The following PRKACB variants were observed in gnomAD, a reference collection of about 807,000 sequenced individuals.
PRKACB encodes protein kinase cAMP-activated catalytic subunit beta.
PRKACB carries 16 observed loss-of-function variants against 51.4 expected under a neutral mutation model. That is an observed-to-expected ratio of 0.31 (90% confidence interval 0.21 to 0.47). The LOEUF (loss-of-function observed/expected upper bound fraction) is 0.47, where lower values mean the gene tolerates loss of function less well. Ranked by LOEUF, PRKACB falls within the 20% of genes least tolerant of loss-of-function variation. The pLI is 1.00. For synonymous variants in PRKACB, 147 were observed against 154.4 expected, an observed-to-expected ratio of 0.95 and a Z score of 0.35; for missense variants, 309 against 464.5, an observed-to-expected ratio of 0.67 and a Z score of 3.08.
upstream of PRKACB, among the ~76,000 whole-genome samples, chr1:84,141,095 T>C (rs1195799606): frequency 6.6e-6 from 1 of 152,044 alleles, no homozygotes; most frequent in Non-Finnish European, 1.5e-5. Context: ...CTGGTTCAAC[T>C]CTGAAAATTT....
intron 1 of PRKACB, among the ~76,000 whole-genome samples, chr1:84,095,647 T>C (rs1367673984): frequency 1.3e-5 from 2 of 151,978 alleles, no homozygotes; most frequent in Non-Finnish European, 2.9e-5. Context: ...TTTGCAACTT[T>C]TTAGAATCAT....
chr1:84,093,026 G>A (rs529871217), intron 1 of PRKACB, among the ~76,000 whole-genome samples: 7 of 151,582 alleles, frequency 4.6e-5, no homozygotes, highest in African/African-American at 9.7e-5. Flanking sequence ...GTCTTCTTCC[G>A]TTTCATAGCT....
At position 84,078,679 on chromosome 1, in the gene PRKACB, A is replaced by T. The variant is rs1378985722; in HGVS notation, c.46+308A>T. On this transcript the variant is annotated intron_variant, in intron 1 of 8. Transcript: ENST00000370688. ...GGAACACTTCCCCAAATATGGTCCGAGGAAAGAAGTCCCTAGTGCCATCCC... is the reference window on the plus strand; with the variant it reads ...GGAACACTTCCCCAAATATGGTCCGTGGAAAGAAGTCCCTAGTGCCATCCC... 2.0e-5 allele frequency among the ~76,000 whole-genome samples: 3 copies of T among 152,200 alleles called. 1 individual carries two copies. The East Asian group carries it at 5.8e-4, about 29-fold the overall frequency.
Position 84,080,931 on chromosome 1 carries a change from A to G in PRKACB, c.46+2560A>G, listed in dbSNP as rs113565944. On this transcript the variant is annotated intron_variant, in intron 1 of 8. Transcript: ENST00000370688. ...ATATTCACCAAATGTTTTAGTTTCAATTAAAGACTATAAGTAAAAGCTGAA... is the reference window on the plus strand; with the variant it reads ...ATATTCACCAAATGTTTTAGTTTCAGTTAAAGACTATAAGTAAAAGCTGAA... 3.8e-3 allele frequency among the ~76,000 whole-genome samples: 578 copies of G among 151,064 alleles called. 8 individuals are homozygous for G. Among genetic ancestry groups the G allele is most frequent in the African/African-American group, 0.013 (544 of 40,466 alleles).
Position 84,100,210 on chromosome 1 carries a change from C to CAGATCTCGTG in PRKACB, c.46+21843_46+21852dup, listed in dbSNP as rs1184163479. Among the ~76,000 whole-genome samples, 5 of 152,028 alleles carry CAGATCTCGTG rather than the reference C, an allele frequency of 3.3e-5. No individual in the cohort carries two copies. The East Asian group carries it at 9.7e-4, about 29-fold the overall frequency. On this transcript the variant is annotated intron_variant, in intron 1 of 8. Coordinates refer to the PRKACB transcript ENST00000370688. ...AACTGTCAAACACTTATAAAACTGT[C>CAGATCTCGTG]AGATCTCGTGAGAACTCAGTCACTG...
intron 1 of PRKACB, among the ~76,000 whole-genome samples, chr1:84,134,257 G>C (rs947299138): frequency 1.3e-5 from 2 of 152,112 alleles, no homozygotes; most frequent in Non-Finnish European, 2.9e-5. Flanking sequence ...GCCATGGGTG[G>C]TTTTGGAAAA....
intron 9 of PRKACB, among the ~76,000 whole-genome samples, chr1:84,233,378 G>A (rs868580300): frequency 0.02 from 2,833 of 144,714 alleles, 71 homozygotes; most frequent in African/African-American, 0.07. Flanking sequence ...TGGTGAATCT[G>A]ACAATTATGT....
intron 1 of PRKACB, among the ~76,000 whole-genome samples, chr1:84,078,826 G>C (rs930537025): frequency 1.3e-5 from 2 of 152,188 alleles, no homozygotes; most frequent in Non-Finnish European, 2.9e-5. Context: ...GGGGCTGCTA[G>C]TCTGGCTCTA....
intron 1 of PRKACB, among the ~76,000 whole-genome samples, chr1:84,089,203 A>T (rs1487892972): frequency 6.6e-6 from 1 of 152,168 alleles, no homozygotes; most frequent in Non-Finnish European, 1.5e-5. Context: ...TCAAAAATTC[A>T]AACCTCCTGT....
intron 8 of PRKACB, among the ~76,000 whole-genome samples, chr1:84,203,195 A>G (rs1670623909): frequency 6.6e-6 from 1 of 152,004 alleles, no homozygotes; most frequent in Non-Finnish European, 1.5e-5. Context: ...TGTTTTAATT[A>G]TGTCCAATAC....
intron 1 of PRKACB, among the ~76,000 whole-genome samples, chr1:84,128,277 A>T (rs965028117): frequency 6.6e-6 from 1 of 152,090 alleles, no homozygotes; most frequent in East Asian, 1.9e-4. Flanking sequence ...AAAAAAAAAG[A>T]TGTTTTAGCA....
At chr1:84,086,331 G>A in intron 1 of PRKACB, 1 of 759,698 alleles carries the variant, frequency 1.3e-6, no homozygotes, top group Non-Finnish European at 2.2e-6. Context: ...TGGGGCCCAG[G>A]CTCCAGCCAT....
chr1:84,101,802 A>G (rs1198385498), intron 1 of PRKACB, among the ~76,000 whole-genome samples: 1 of 152,192 alleles, frequency 6.6e-6, no homozygotes, highest in African/African-American at 2.4e-5. Flanking sequence ...AAATTGTAAC[A>G]GGAATTTAAT....
intron 7 of PRKACB, among the ~76,000 whole-genome samples, chr1:84,202,254 A>C (rs918065880): frequency 6.6e-6 from 1 of 152,044 alleles, no homozygotes; most frequent in East Asian, 1.9e-4. Context: ...TCCAGTTTCT[A>C]TTATTTTCTT....
intron 9 of PRKACB, among the ~76,000 whole-genome samples, chr1:84,231,311 G>C (rs1192317927): frequency 1.3e-5 from 2 of 152,298 alleles, no homozygotes; most frequent in African/African-American, 2.4e-5. Context: ...TGTGCTGCTG[G>C]ATTTGGTTTG....
At chr1:84,105,555 A>C (rs1478864151) in intron 1 of PRKACB, among the ~76,000 whole-genome samples, 1 of 44,028 alleles carries the variant, frequency 2.3e-5, no homozygotes, top group East Asian at 5.0e-4. Flanking sequence ...TTATTTATTT[A>C]TTTATTTATT....
intron 1 of PRKACB, among the ~76,000 whole-genome samples, chr1:84,119,941 C>A (rs1650930484): frequency 6.6e-6 from 1 of 152,042 alleles, no homozygotes; most frequent in African/African-American, 2.4e-5. Flanking sequence ...CTGAAGTCTT[C>A]TCTGTTTTTA....
intron 1 of PRKACB, among the ~76,000 whole-genome samples, chr1:84,175,999 A>C (rs1661115841): frequency 6.6e-6 from 1 of 151,746 alleles, no homozygotes; most frequent in South Asian, 2.1e-4. Context: ...CATTCTTTGA[A>C]GGATTTTTTT....
At chr1:84,180,039 T>TA (rs1662723847) in intron 2 of PRKACB, among the ~76,000 whole-genome samples, 1 of 42,126 alleles carries the variant, frequency 2.4e-5, no homozygotes, top group South Asian at 5.1e-4. Context: ...AGTGAGAACA[T>TA]AAAGACCAAA....
Sources: allele counts gnomAD v4.1 joint callset (sites outside exome capture counted in the v4.1 genomes callset), GRCh38; gene constraint gnomAD v4.1.1; transcripts MANE v1.5; gene names NCBI Gene and HGNC (gene_info 2026-07-23, HGNC 2026-07-21).